The following IMMP1L variants were observed in gnomAD, a reference collection of about 807,000 sequenced individuals.
IMMP1L encodes the protein mitochondrial inner membrane protease subunit 1.
A neutral mutation model predicts 21.8 loss-of-function variants in IMMP1L; 24 were observed. That is an observed-to-expected ratio of 1.10 (90% CI 0.80 to 1.55). The LOEUF (loss-of-function observed/expected upper bound fraction) is 1.55. Among genes scored for constraint, IMMP1L ranks in the 40% most tolerant of loss-of-function variants. The pLI is 0.00. For missense variants in IMMP1L, 195 were observed against 200.7 expected (o/e 0.97, Z 0.17); for synonymous variants, 46 against 62.8 (o/e 0.73, Z 1.26).
rs1431457536 is a variant in IMMP1L, at chr11:31,509,543, A to AC, written c.-55dup. 1.8e-6 allele frequency: 1 copy of AC among 563,820 alleles called. No homozygotes were observed. The highest frequency in any genetic ancestry group is 1.9e-5 in the African/African-American group (1 of 53,424). 34.9% of individuals were successfully genotyped at this position (563,820 alleles called of 1,614,324 possible). On this transcript the variant is annotated 5_prime_UTR_variant, in exon 1 of 6. Coordinates refer to ENST00000532287, the MANE Select transcript of IMMP1L (RefSeq NM_001304274.2). ...CCTCGGGCCCCAAAGAACCCTGGAG[A>AC]CCCTCAACCAGGACACAGGTGGGCC... is the stretch of plus-strand genomic sequence containing the variant.
intron 4 of IMMP1L, among the ~76,000 whole-genome samples, chr11:31,439,613 C>T (rs983627889): frequency 2.6e-5 from 4 of 152,136 alleles, no homozygotes; most frequent in Non-Finnish European, 5.9e-5. Flanking sequence ...TCTGATTAAA[C>T]TGGACACTCA....
chr11:31,508,217 CT>C (rs1955848810), intron 1 of IMMP1L, among the ~76,000 whole-genome samples: 1 of 152,116 alleles, frequency 6.6e-6, no homozygotes, highest in South Asian at 2.1e-4. Flanking sequence ...TGCTTTGTCA[CT>C]TTTTCTTTTG....
chr11:31,471,555 A>G (rs969029532), intron 1 of IMMP1L, among the ~76,000 whole-genome samples: 16 of 152,240 alleles, frequency 1.1e-4, no homozygotes, highest in Admixed American at 9.2e-4. Context: ...GAATGGGATC[A>G]AACAAAGGCC....
chr11:31,433,436 T>TA (rs1952991249), intron 5 of IMMP1L, 24 bp downstream of exon 5: 1 of 1,346,704 alleles, frequency 7.4e-7, no homozygotes, highest in Admixed American at 2.0e-5. Context: ...AAATAAACCT[T>TA]ACATTTTAAG....
Position 31,509,511 on chromosome 11 carries a change from T to C in IMMP1L, c.-30+8A>G, listed in dbSNP as rs1955927056. The C allele has an allele frequency of 3.8e-6, 2 of 525,200 alleles. No homozygotes were observed. The allele number at this position is 525,200 out of a possible 1,614,324, so 32.5% of individuals were successfully genotyped here. On this transcript the variant is annotated splice_region_variant and intron_variant, in intron 1 of 5. Coordinates refer to ENST00000532287, the MANE Select transcript of IMMP1L (RefSeq NM_001304274.2). ...AAAAGGAGAAGAACGTTACGTGATA[T>C]TACCTACCTCGGGCCCCAAAGAACC...
At chr11:31,508,176 A>C (rs1955845547) in intron 1 of IMMP1L, among the ~76,000 whole-genome samples, 1 of 152,206 alleles carries the variant, frequency 6.6e-6, no homozygotes, top group Non-Finnish European at 1.5e-5. Context: ...AAGAAAAAAA[A>C]AATTCAAGAC....
intron 4 of IMMP1L, among the ~76,000 whole-genome samples, chr11:31,451,337 G>A (rs1319595537): frequency 6.6e-6 from 1 of 152,014 alleles, no homozygotes; most frequent in Non-Finnish European, 1.5e-5. Flanking sequence ...AAATCGGAAG[G>A]GTATAAGCAA....
intron 1 of IMMP1L, among the ~76,000 whole-genome samples, chr11:31,479,121 C>T (rs540654583): frequency 1.3e-5 from 2 of 151,922 alleles, no homozygotes; most frequent in South Asian, 2.1e-4. Context: ...GATGTGAAGA[C>T]GTTGTAAGTT....
At chr11:31,502,739 G>A (rs1016664578) in intron 1 of IMMP1L, among the ~76,000 whole-genome samples, 3 of 152,164 alleles carry the variant, frequency 2.0e-5, no homozygotes, top group Non-Finnish European at 2.9e-5. Context: ...CCAGTCAGCC[G>A]TTATTTAATT....
chr11:31,499,431 T>G (rs1267999230), intron 1 of IMMP1L, among the ~76,000 whole-genome samples: 1 of 151,824 alleles, frequency 6.6e-6, no homozygotes, highest in Non-Finnish European at 1.5e-5. Flanking sequence ...TTTTAAAAAA[T>G]AAATAGAAAT....
chr11:31,481,376 A>G (rs2133753059), intron 1 of IMMP1L, among the ~76,000 whole-genome samples: 1 of 152,260 alleles, frequency 6.6e-6, no homozygotes, highest in South Asian at 2.1e-4. Context: ...ACTTAATTTG[A>G]TGCTTTAAAC....
At chr11:31,486,954 AAAAG>A (rs1955098983) in intron 1 of IMMP1L, among the ~76,000 whole-genome samples, 1 of 151,922 alleles carries the variant, frequency 6.6e-6, no homozygotes, top group Non-Finnish European at 1.5e-5. Context: ...ACCTCTAAAG[AAAAG>A]AAAGCATATC....
intron 1 of IMMP1L, among the ~76,000 whole-genome samples, chr11:31,503,543 C>T (rs1955691385): frequency 6.6e-6 from 1 of 152,058 alleles, no homozygotes; most frequent in Non-Finnish European, 1.5e-5. Flanking sequence ...AACTCATTCT[C>T]AATTGCTGAT....
chr11:31,456,354 T>C lies in IMMP1L; in HGVS notation c.227A>G (p.Asp76Gly). The change falls in exon 4 of 6, where the codon GAT (aspartate) becomes GGT (glycine). Residue 76 changes from aspartate to glycine, a missense_variant. Transcript: ENST00000532287. Reference protein sequence around the residue: ...GDIVIAKSPSDPKSNICKRVI... With the variant: ...GDIVIAKSPSGPKSNICKRVI... ...TCTTTTACAAATATTTGATTTTGGA[T>C]CACTTGGGCTTTTTGCAATCACAAT... 1.2e-6 allele frequency: 2 copies of C among 1,610,816 alleles called. No individual in the cohort carries two copies. The highest frequency in any genetic ancestry group is 8.5e-7 in the Non-Finnish European group (1 of 1,177,466).
chr11:31,484,452 A>G (rs770692448), intron 1 of IMMP1L, among the ~76,000 whole-genome samples: 7 of 151,914 alleles, frequency 4.6e-5, no homozygotes, highest in Non-Finnish European at 8.8e-5. Flanking sequence ...AAAAAAATCC[A>G]CTTTTTTTAA....
intron 1 of IMMP1L, among the ~76,000 whole-genome samples, chr11:31,483,844 TTAAA>T (rs575411788): frequency 1.1e-4 from 17 of 152,056 alleles, no homozygotes; most frequent in East Asian, 9.6e-4. Flanking sequence ...ACCATACACA[TTAAA>T]TAAAGCTTCA....
chr11:31,470,276 G>C (rs1954497572), intron 1 of IMMP1L, among the ~76,000 whole-genome samples: 1 of 152,078 alleles, frequency 6.6e-6, no homozygotes, highest in African/African-American at 2.4e-5. Context: ...AGCCAGGTGT[G>C]GCAGCGCATG....
Position 31,508,284 on chromosome 11 carries a change from T to C in IMMP1L, c.-30+1235A>G, listed in dbSNP as rs550994973. On this transcript the variant is annotated intron_variant, in intron 1 of 5. Coordinates refer to ENST00000532287, the MANE Select transcript of IMMP1L (RefSeq NM_001304274.2). ...AAATTAGCACATGCTATTTAATGTGTTCATTTTAAGTACTATGTTGTTTTC... is the reference window on the plus strand; with the variant it reads ...AAATTAGCACATGCTATTTAATGTGCTCATTTTAAGTACTATGTTGTTTTC... Among the ~76,000 whole-genome samples, 7 of 152,348 alleles carry C rather than the reference T, an allele frequency of 4.6e-5. No homozygotes were observed. The East Asian group carries it at 1.3e-3, about 29-fold the overall frequency.
intron 1 of IMMP1L, among the ~76,000 whole-genome samples, chr11:31,508,832 A>C (rs1955880953): frequency 6.6e-6 from 1 of 152,236 alleles, no homozygotes; most frequent in South Asian, 2.1e-4. Context: ...AAATACAAAA[A>C]TACAACTCAA....
Sources: allele counts gnomAD v4.1 joint callset (sites outside exome capture counted in the v4.1 genomes callset), GRCh38; gene constraint gnomAD v4.1.1; transcripts MANE v1.5; gene names NCBI Gene and HGNC (gene_info 2026-07-23, HGNC 2026-07-21).